CHD2: variants seen among roughly 807,000 people sequenced by gnomAD.
The protein encoded by CHD2 is ATP-dependent chromatin remodeler CHD2.
A neutral mutation model predicts 243.9 loss-of-function variants in CHD2; 28 were observed. The observed-to-expected ratio is 0.11, with a 90% CI of 0.09 to 0.16. CHD2 has a LOEUF of 0.16. Ranked by LOEUF, CHD2 falls within the 10% of genes least tolerant of loss-of-function variation. The probability of loss-of-function intolerance (pLI) is 1.00; values close to 1 mark genes in which losing one functional copy is unlikely to be tolerated. For synonymous variants in CHD2, 775 were observed against 779.0 expected (o/e 0.99, Z 0.09); for missense variants, 1,386 against 2,209.8 (o/e 0.63, Z 7.47).
At chr15:92,910,116 C>T (rs11635810) in intron 2 of CHD2, among the ~76,000 whole-genome samples, 16,172 of 151,942 alleles carry the variant, frequency 0.11, 915 homozygotes, top group Middle Eastern at 0.26. Flanking sequence ...AAGCAGTTCT[C>T]CTGCCTTAGC....
At position 93,020,231 on chromosome 15, in the gene CHD2, A is replaced by G; in HGVS notation, c.5126A>G (p.His1709Arg). The G allele has an allele frequency of 6.2e-7, 1 of 1,614,190 alleles. No individual in the cohort carries two copies. The change falls in exon 38 of 39, where the codon CAC (histidine) becomes CGC (arginine). Residue 1709 changes from histidine to arginine, a missense_variant. Physicochemically the swap from His to Arg is conservative, Grantham distance 29 (BLOSUM62 0). Coordinates refer to ENST00000394196, the MANE Select transcript of CHD2 (RefSeq NM_001271.4). ...GACCAGTACAGCAGTGACCGAGACC[A>G]CCGGGGACACAGAGATTATTATGAC... The part of the protein sequence containing the change: ...PYDQYSSDRD[H>R]RGHRDYYDRH...
Position 93,025,063 on chromosome 15 carries a change from C to G in CHD2, c.*358C>G, listed in dbSNP as rs1021238787. The G allele has an allele frequency of 6.4e-5, 15 of 234,022 alleles. No homozygotes were observed. The highest frequency in any genetic ancestry group is 1.2e-4 in the Non-Finnish European group (15 of 120,466). The allele number at this position is 234,022 out of a possible 1,614,324, so 14.5% of individuals were successfully genotyped here. On this transcript the variant is annotated 3_prime_UTR_variant, in exon 39 of 39. Coordinates refer to ENST00000394196, the MANE Select transcript of CHD2 (RefSeq NM_001271.4). ...GTCATGAATGTTTTCTTGCCAGGGT[C>G]AGTGTTCCCAGGACCTTAGTGCATG...
At position 92,929,050 on chromosome 15, in the gene CHD2, T is replaced by G; in HGVS notation, c.402T>G (p.Ser134Arg). 6.2e-7 allele frequency: 1 copy of G among 1,611,494 alleles called. No homozygotes were observed. The highest frequency in any genetic ancestry group is 8.5e-7 in the Non-Finnish European group (1 of 1,178,562). The change falls in exon 5 of 39, where the codon AGT becomes AGG. Residue 134 changes from serine (S) to arginine (R), a missense_variant. This residue lies in a region of CHD2 where 16 missense variants were observed against 76.0 expected (regional missense o/e 0.21). Transcript: ENST00000394196. The stretch of plus-strand genomic sequence containing the variant: ...TGAAGGCAAGTAGCGGGTCTGAGAG[T>G]GGGAGCCCAAAAAGAAGAGGCCAGA... ...IKEEASSGSE[S>R]GSPKRRGQRQ...
Position 92,942,930 on chromosome 15 carries a change from T to G in CHD2, c.914T>G (p.Ile305Ser). 2 of 1,613,956 alleles carry G rather than the reference T, an allele frequency of 1.2e-6. No homozygotes were observed. The highest frequency in any genetic ancestry group is 1.7e-6 in the Non-Finnish European group (2 of 1,179,970). The change falls in exon 9 of 39, where the codon ATC becomes AGC. Residue 305 changes from isoleucine (I) to serine (S), a missense_variant. By Grantham distance (142) the Ile-to-Ser change is moderately radical. Around this residue, in one of 19 missense-constraint regions of CHD2, gnomAD observed 200 missense variants for 292.5 expected, o/e 0.68. Transcript: ENST00000394196. ...GACACTGAAAAGGATGAAGGTGAAA[T>G]CCAGTACCTCATCAAGTGGAAGGGT... ...DFDTEKDEGE[I>S]QYLIKWKGWS...
At position 93,027,515 on chromosome 15, in the gene CHD2, G is replaced by A. The variant is rs1487990906; in HGVS notation, c.*2810G>A. ...TCATTCCTCAGCCCTTCGAAGGGAA[G>A]CCCAAACACTTTGCACGCTGTGCTG... On this transcript the variant is annotated 3_prime_UTR_variant, in exon 39 of 39. Coordinates refer to ENST00000394196, the MANE Select transcript of CHD2 (RefSeq NM_001271.4). 6.6e-6 allele frequency: 1 copy of A among 152,466 alleles called. No homozygotes were observed. The highest frequency in any genetic ancestry group is 6.5e-5 in the Admixed American group (1 of 15,292). 9.4% of individuals were successfully genotyped at this position (152,466 alleles called of 1,614,324 possible).
rs761607054 is a variant in CHD2 at position 93,024,989 on chromosome 15, A to G, written c.*284A>G. On this transcript the variant is annotated 3_prime_UTR_variant, in exon 39 of 39. Coordinates refer to ENST00000394196, the MANE Select transcript of CHD2 (RefSeq NM_001271.4). The stretch of plus-strand genomic sequence containing the variant: ...AGGAGGAGCTGACTGTGTGTGTACC[A>G]GCTTCACTGGGATGTGTTTCCCCAG... 8.9e-5 allele frequency: 34 copies of G among 383,182 alleles called. No individual in the cohort carries two copies. The highest frequency in any genetic ancestry group is 2.1e-5 in the African/African-American group (1 of 48,064). 23.7% of individuals were successfully genotyped at this position (383,182 alleles called of 1,614,324 possible).
intron 5 of CHD2, among the ~76,000 whole-genome samples, chr15:92,934,529 T>A (rs1446238908): frequency 6.6e-6 from 1 of 152,256 alleles, no homozygotes; most frequent in Non-Finnish European, 1.5e-5. Flanking sequence ...TATTGTAGAC[T>A]GACTTACAAT....
chr15:92,998,702 C>G lies in CHD2; in HGVS notation c.4008+81C>G, dbSNP rs2054214115. 2 of 1,511,874 alleles carry G rather than the reference C, an allele frequency of 1.3e-6. No individual in the cohort carries two copies. Among genetic ancestry groups the G allele is most frequent in the African/African-American group, 2.8e-5 (2 of 71,982 alleles). 93.7% of individuals were successfully genotyped at this position (1,511,874 alleles called of 1,614,324 possible). ...AATTAGGTAGGAAGAGAGAGGCCCT[C>G]TCTGAGCACTGCACAGAATGTCACC... On this transcript the variant is annotated intron_variant, in intron 31 of 38. Transcript: ENST00000394196. This position sits in a 1 kb window ranked among gnomAD's most constrained non-coding sequence, Gnocchi z 5.1.
chr15:92,938,383 T>C (rs1265442886), intron 6 of CHD2, among the ~76,000 whole-genome samples: 1 of 152,222 alleles, frequency 6.6e-6, no homozygotes, highest in African/African-American at 2.4e-5. Flanking sequence ...TTTAAAAAAA[T>C]TTGTGAAAAT....
chr15:92,976,010 G>T (rs2053902928), intron 20 of CHD2, among the ~76,000 whole-genome samples: 2 of 152,008 alleles, frequency 1.3e-5, no homozygotes, highest in South Asian at 4.1e-4. Flanking sequence ...TCATAATATT[G>T]CTCTGAGGAT....
intron 21 of CHD2, 41 bp from the exon 22 acceptor site, chr15:92,979,094 G>A: frequency 6.2e-7 from 1 of 1,601,982 alleles, no homozygotes; most frequent in East Asian, 2.2e-5. Flanking sequence ...GGGGGTTGGG[G>A]GGTGGTTCAG....
chr15:93,016,746 C>T (rs967759160), intron 37 of CHD2, among the ~76,000 whole-genome samples: 6 of 116,800 alleles, frequency 5.1e-5, no homozygotes, highest in African/African-American at 9.3e-5. Context: ...TGCACCACTG[C>T]GCTCCAGTCT....
At chr15:92,922,844 G>A (rs961787751) in intron 2 of CHD2, among the ~76,000 whole-genome samples, 9 of 152,054 alleles carry the variant, frequency 5.9e-5, no homozygotes, top group Non-Finnish European at 2.9e-5. Context: ...TTCACCATTA[G>A]AGGAAGATGA....
In CHD2 at chr15:92,953,425, C is replaced by T; in HGVS notation, c.1571C>T (p.Ser524Phe). The change falls in exon 14 of 39, where the codon TCC becomes TTC. Residue 524 changes from serine to phenylalanine, a missense_variant. Physicochemically the swap from Ser to Phe is radical, Grantham distance 155. Around this residue, in one of 19 missense-constraint regions of CHD2, gnomAD observed 63 missense variants for 108.8 expected, o/e 0.58. Transcript: ENST00000394196. ...ACCATCCAGACCATATCATTCCTCT[C>T]CTACCTGTTCCACCAACACCAGCTG... is the stretch of plus-strand genomic sequence containing the variant. ...GKTIQTISFL[S>F]YLFHQHQLYG... The T allele has an allele frequency of 6.2e-7, 1 of 1,614,140 alleles. No homozygotes were observed. The highest frequency in any genetic ancestry group is 8.5e-7 in the Non-Finnish European group (1 of 1,180,016).
intron 16 of CHD2, among the ~76,000 whole-genome samples, chr15:92,960,088 T>A (rs752049357): frequency 1.3e-5 from 2 of 152,196 alleles, no homozygotes; most frequent in African/African-American, 2.4e-5. Flanking sequence ...TCTTATACAT[T>A]CAAAATATTC....
At chr15:92,972,052 G>C in intron 18 of CHD2, 125 bp downstream of exon 18, 1 of 1,135,294 alleles carries the variant, frequency 8.8e-7, no homozygotes, top group Non-Finnish European at 1.2e-6. Context: ...CTTTAAAAAT[G>C]GGAGAGAAAA....
At chr15:92,993,028 G>C (rs374660316) in intron 28 of CHD2, 30 bp downstream of exon 28, 1 of 1,610,724 alleles carries the variant, frequency 6.2e-7, no homozygotes, top group Non-Finnish European at 8.5e-7. Flanking sequence ...GTGAGTCTTC[G>C]CAACCTGGCA....
In CHD2 at chr15:93,025,795, TC is replaced by T. The variant is rs1236105041; in HGVS notation, c.*1092del. 2.0e-5 allele frequency: 3 copies of T among 152,204 alleles called. No homozygotes were observed. The highest frequency in any genetic ancestry group is 1.9e-4 in the East Asian group (1 of 5,202). The allele number at this position is 152,204 out of a possible 1,614,324, so 9.4% of individuals were successfully genotyped here. Reference sequence around the variant, plus strand: ...TTCAGTATTGCGCTAGGTCAACACTTCCTGCTGCATTTCCTTCCCTTTGCAC... The same window carrying T: ...TTCAGTATTGCGCTAGGTCAACACTTCTGCTGCATTTCCTTCCCTTTGCAC... On this transcript the variant is annotated 3_prime_UTR_variant, in exon 39 of 39. Transcript: ENST00000394196.
chr15:92,924,626 A>G (rs1475228018), intron 3 of CHD2, 74 bp downstream of exon 3: 2 of 1,281,168 alleles, frequency 1.6e-6, no homozygotes, highest in Non-Finnish European at 2.3e-6. Flanking sequence ...TGTTCATGAA[A>G]ACTCATTAGT....
Sources: allele counts gnomAD v4.1 joint callset (sites outside exome capture counted in the v4.1 genomes callset), GRCh38; gene constraint gnomAD v4.1.1; regional missense constraint gnomAD v4.1.1; non-coding constraint Gnocchi (gnomAD v3.1); transcripts MANE v1.5; gene names NCBI Gene and HGNC (gene_info 2026-07-23, HGNC 2026-07-21).